The following TBC1D5 variants were observed in gnomAD, a reference collection of about 807,000 sequenced individuals.
TBC1D5 encodes TBC1 domain family, member 5.
A neutral mutation model predicts 100.3 loss-of-function variants in TBC1D5; 75 were observed. That is an observed-to-expected ratio of 0.75 (90% CI 0.62 to 0.91). TBC1D5 has a LOEUF of 0.91. TBC1D5 is among the 40% of genes least tolerant of loss of function. The pLI is 0.00. For missense variants in TBC1D5, 910 were observed against 942.4 expected (o/e 0.97, Z 0.45); for synonymous variants, 323 against 325.6 (o/e 0.99, Z 0.09).
At chr3:17,236,444 G>A (rs145365338) in intron 17 of TBC1D5, among the ~76,000 whole-genome samples, 2 of 151,816 alleles carry the variant, frequency 1.3e-5, no homozygotes, top group East Asian at 3.9e-4. Context: ...AAAAAAATGT[G>A]TGACAGCTCT....
intron 1 of TBC1D5, among the ~76,000 whole-genome samples, chr3:17,677,865 A>G (rs1445610657): frequency 6.6e-6 from 1 of 152,242 alleles, no homozygotes; most frequent in Non-Finnish European, 1.5e-5. Context: ...ATGAAGCTGG[A>G]AACCATCATT....
intron 17 of TBC1D5, among the ~76,000 whole-genome samples, chr3:17,224,903 T>C (rs1189743346): frequency 2.0e-5 from 3 of 152,172 alleles, no homozygotes; most frequent in African/African-American, 7.2e-5. Flanking sequence ...AAATTTCAAA[T>C]TGGTGGTAGT....
chr3:17,703,564 G>C (rs1017919439), intron 1 of TBC1D5, among the ~76,000 whole-genome samples: 1 of 151,992 alleles, frequency 6.6e-6, no homozygotes, highest in Admixed American at 6.6e-5. Context: ...TTTAGGGAGT[G>C]GGTGGGAAAG....
chr3:17,263,494 T>C (rs781243561), intron 15 of TBC1D5, among the ~76,000 whole-genome samples: 2 of 152,098 alleles, frequency 1.3e-5, no homozygotes, highest in African/African-American at 4.8e-5. Context: ...CCAACCAGGA[T>C]GGGCCTGAAA....
intron 13 of TBC1D5, among the ~76,000 whole-genome samples, chr3:17,343,487 A>G (rs202225722): frequency 0.45 from 55,662 of 124,654 alleles, 14,726 homozygotes; most frequent in African/African-American, 0.65. Context: ...CTCATAAAAT[A>G]AGTTAGGGAG....
chr3:17,302,748 C>A (rs1311647262), intron 14 of TBC1D5, among the ~76,000 whole-genome samples: 1 of 152,132 alleles, frequency 6.6e-6, no homozygotes, highest in Non-Finnish European at 1.5e-5. Flanking sequence ...AAGGAAGGCT[C>A]TTTTAGTTTC....
chr3:17,174,170 A>G (rs2067459709), intron 19 of TBC1D5, among the ~76,000 whole-genome samples: 1 of 152,056 alleles, frequency 6.6e-6, no homozygotes, highest in Non-Finnish European at 1.5e-5. Flanking sequence ...CTCCAGTAGC[A>G]CCTAGTTGTT....
intron 3 of TBC1D5, among the ~76,000 whole-genome samples, chr3:17,455,514 A>G (rs80274394): frequency 0.018 from 1,979 of 112,160 alleles, 82 homozygotes; most frequent in East Asian, 0.17. Context: ...GTGTGTGTGT[A>G]TATATATATA....
chr3:17,472,200 G>GTGA (rs1472938061), intron 3 of TBC1D5, among the ~76,000 whole-genome samples: 1 of 148,130 alleles, frequency 6.8e-6, no homozygotes, highest in Non-Finnish European at 1.5e-5. Context: ...GTGCAGTGAT[G>GTGA]TGATCTCAGC....
intron 16 of TBC1D5, among the ~76,000 whole-genome samples, chr3:17,248,892 T>C (rs2076964937): frequency 6.6e-6 from 1 of 152,196 alleles, no homozygotes; most frequent in Non-Finnish European, 1.5e-5. Context: ...CATAGATACA[T>C]CTTCTGGATA....
intron 3 of TBC1D5, among the ~76,000 whole-genome samples, chr3:17,478,292 T>G (rs2095462207): frequency 6.6e-6 from 1 of 152,166 alleles, no homozygotes; most frequent in African/African-American, 2.4e-5. Flanking sequence ...GTTCATTTAT[T>G]TTTGAATTAG....
At chr3:17,719,230 C>T (rs1302350516) in intron 1 of TBC1D5, among the ~76,000 whole-genome samples, 1 of 152,172 alleles carries the variant, frequency 6.6e-6, no homozygotes, top group Non-Finnish European at 1.5e-5. Flanking sequence ...ACCATACACA[C>T]TGACAAACCA....
exon 18 of TBC1D5, chr3:17,214,343 G>A (rs964464375): frequency 1.2e-6 from 2 of 1,612,830 alleles, no homozygotes; most frequent in South Asian, 1.1e-5. Context: ...AACGCTTGGA[G>A]ATGAACTGAT....
At chr3:17,620,440 C>T (rs9310528) in intron 2 of TBC1D5, among the ~76,000 whole-genome samples, 77,770 of 152,164 alleles carry the variant, frequency 0.51, 21,900 homozygotes, top group African/African-American at 0.73. Flanking sequence ...GAAGAAACTA[C>T]GGCACACACA....
intron 13 of TBC1D5, among the ~76,000 whole-genome samples, chr3:17,348,087 G>C (rs1234154794): frequency 6.6e-6 from 1 of 152,176 alleles, no homozygotes; most frequent in Non-Finnish European, 1.5e-5. Context: ...CTTGGGAAGA[G>C]ACAAGTAAAA....
At chr3:17,243,319 C>T (rs773892493) in intron 16 of TBC1D5, among the ~76,000 whole-genome samples, 8 of 151,928 alleles carry the variant, frequency 5.3e-5, no homozygotes, top group East Asian at 1.9e-4. Context: ...TATTGAATTT[C>T]GATCAAAGGC....
chr3:17,418,889 T>A (rs1413089376), intron 4 of TBC1D5, among the ~76,000 whole-genome samples: 1 of 152,202 alleles, frequency 6.6e-6, no homozygotes, highest in East Asian at 1.9e-4. Flanking sequence ...GATTCCGCAT[T>A]CATGGTTTAT....
chr3:17,265,772 G>A (rs956224693), intron 15 of TBC1D5, among the ~76,000 whole-genome samples: 1 of 152,082 alleles, frequency 6.6e-6, no homozygotes, highest in Non-Finnish European at 1.5e-5. Context: ...CATGGCACGC[G>A]TGAACTAGAG....
rs138814818 is a variant in TBC1D5, at chr3:17,222,514, C to T, written c.1589-8144G>A. 8.5e-3 allele frequency among the ~76,000 whole-genome samples: 1,286 copies of T among 152,178 alleles called. 22 individuals carry two copies. Among genetic ancestry groups the T allele is most frequent in the African/African-American group, 0.029 (1,200 of 41,522 alleles). On this transcript the variant is annotated intron_variant, in intron 17 of 21. Coordinates refer to ENST00000253692, the Ensembl canonical transcript of TBC1D5. ...TCTTCCCATTTGAATGTTAGCTTGG[C>T]TGAGAATAAGATACTAGTTCAAAAC...
Sources: gnomAD v4.1 joint callset for allele counts (sites outside exome capture counted in the v4.1 genomes callset) on GRCh38, gnomAD v4.1.1 for gene constraint, MANE v1.5 for transcripts, NCBI Gene and HGNC (gene_info 2026-07-23, HGNC 2026-07-21) for gene names.